The following NDST3 variants were observed in gnomAD, a reference collection of about 807,000 sequenced individuals.
NDST3 encodes the protein N-deacetylase and N-sulfotransferase 3.
In NDST3, 58 loss-of-function variants were observed where a neutral mutation model predicts 96.1. The ratio of observed to expected loss-of-function variants is 0.60; its 90% CI spans 0.49 to 0.75. The LOEUF (loss-of-function observed/expected upper bound fraction) is 0.75, where lower values mean the gene tolerates loss of function less well. Ranked by LOEUF, NDST3 falls within the 30% of genes least tolerant of loss-of-function variation. NDST3 has a pLI of 0.00. For missense variants in NDST3, 788 were observed against 1,034.2 expected, an observed-to-expected ratio of 0.76 and a Z score of 3.27; for synonymous variants, 333 against 359.7, an observed-to-expected ratio of 0.93 and a Z score of 0.84.
chr4:118,146,517 C>T (rs1453357864), intron 6 of NDST3, among the ~76,000 whole-genome samples: 1 of 152,076 alleles, frequency 6.6e-6, no homozygotes, highest in Non-Finnish European at 1.5e-5. Context: ...CAATAAGGTG[C>T]CCCTCAGAGT....
intron 6 of NDST3, among the ~76,000 whole-genome samples, chr4:118,176,963 T>A (rs1458805235): frequency 6.6e-6 from 1 of 151,932 alleles, no homozygotes; most frequent in Non-Finnish European, 1.5e-5. Flanking sequence ...TAGATTTAAA[T>A]GAAAATTGAA....
At chr4:118,099,069 A>G (rs987709568) in intron 2 of NDST3, among the ~76,000 whole-genome samples, 2 of 152,082 alleles carry the variant, frequency 1.3e-5, no homozygotes, top group Admixed American at 1.3e-4. Flanking sequence ...TTAAGACCAT[A>G]TATCCATTTC....
intron 6 of NDST3, among the ~76,000 whole-genome samples, chr4:118,185,251 A>T (rs1321166269): frequency 6.6e-6 from 1 of 152,058 alleles, no homozygotes; most frequent in African/African-American, 2.4e-5. Flanking sequence ...ATTTTACTTC[A>T]TGCTGTGTGT....
chr4:118,244,318 G>A, intron 12 of NDST3, among the ~76,000 whole-genome samples: 1 of 152,222 alleles, frequency 6.6e-6, no homozygotes, highest in South Asian at 2.1e-4. Context: ...TATACTGATA[G>A]CTGTTTCTGT....
At chr4:118,161,390 C>T (rs1287740197) in intron 6 of NDST3, among the ~76,000 whole-genome samples, 4 of 152,336 alleles carry the variant, frequency 2.6e-5, no homozygotes, top group African/African-American at 9.6e-5. Context: ...AGAACCACTG[C>T]TCTCTTCAAA....
intron 3 of NDST3, among the ~76,000 whole-genome samples, chr4:118,106,845 C>A (rs1488631580): frequency 1.3e-5 from 2 of 152,090 alleles, no homozygotes; most frequent in African/African-American, 4.8e-5. Context: ...AATCCCAGCA[C>A]TTTGGGAGGC....
intron 2 of NDST3, among the ~76,000 whole-genome samples, chr4:118,096,026 A>G (rs190926200): frequency 2.6e-4 from 40 of 152,054 alleles, no homozygotes; most frequent in Admixed American, 6.6e-4. Flanking sequence ...TAGTACAACC[A>G]TGAACATGTA....
intron 1 of NDST3, among the ~76,000 whole-genome samples, chr4:118,047,724 C>T (rs766265236): frequency 3.3e-5 from 5 of 152,064 alleles, no homozygotes; most frequent in Non-Finnish European, 7.4e-5. Context: ...TAGAAATGAA[C>T]AAAACCTCTG....
chr4:118,169,364 T>C (rs746065461), intron 6 of NDST3, among the ~76,000 whole-genome samples: 4 of 152,170 alleles, frequency 2.6e-5, no homozygotes, highest in African/African-American at 7.2e-5. Context: ...TAAGCTTTCA[T>C]TGGATCTGGA....
Position 118,054,543 on chromosome 4 carries a change from A to G in NDST3, c.633A>G (p.Glu211=). The change falls in exon 2 of 14, where the codon GAA becomes GAG. Residue 211 remains glutamate, a synonymous_variant. Coordinates refer to ENST00000296499, the MANE Select transcript of NDST3 (RefSeq NM_004784.3). ...GTGTGACCAAATCTTCCAAGCTTGAAAAAGGTTCTTTACCTGGAACTGACT... is the reference window on the plus strand; with the variant it reads ...GTGTGACCAAATCTTCCAAGCTTGAGAAAGGTTCTTTACCTGGAACTGACT... ...LIRVTKSSKL[E]KGSLPGTDWT... is the part of the protein sequence containing the mutation. The G allele has an allele frequency of 6.2e-7, 1 of 1,613,350 alleles. No homozygotes were observed. The highest frequency in any genetic ancestry group is 1.7e-5 in the Admixed American group (1 of 59,920).
At chr4:118,242,772 T>C (rs1741087286) in intron 12 of NDST3, among the ~76,000 whole-genome samples, 2 of 152,106 alleles carry the variant, frequency 1.3e-5, no homozygotes, top group Non-Finnish European at 2.9e-5. Flanking sequence ...TTTCCTCCGA[T>C]TTTCTTAGGT....
At chr4:118,246,484 T>TA (rs1288689547) in intron 12 of NDST3, among the ~76,000 whole-genome samples, 2 of 152,244 alleles carry the variant, frequency 1.3e-5, no homozygotes, top group African/African-American at 4.8e-5. Flanking sequence ...CAGGCACCTG[T>TA]AGTCCCAGCT....
At chr4:118,147,331 T>C (rs540886559) in intron 6 of NDST3, among the ~76,000 whole-genome samples, 1 of 152,136 alleles carries the variant, frequency 6.6e-6, no homozygotes, top group Non-Finnish European at 1.5e-5. Flanking sequence ...TGATATACCA[T>C]GGGAGAGAGC....
chr4:118,222,394 T>C (rs554356978), intron 6 of NDST3, among the ~76,000 whole-genome samples: 2 of 151,958 alleles, frequency 1.3e-5, no homozygotes, highest in Non-Finnish European at 2.9e-5. Flanking sequence ...AATATTGTGA[T>C]TCATGAAAAA....
chr4:118,077,287 A>C (rs1045503989), intron 2 of NDST3, among the ~76,000 whole-genome samples: 1 of 152,192 alleles, frequency 6.6e-6, no homozygotes, highest in Non-Finnish European at 1.5e-5. Context: ...GCATTGGTGC[A>C]TTGGGGTGCA....
chr4:118,252,848 G>T (rs1362981386), intron 12 of NDST3, among the ~76,000 whole-genome samples: 1 of 152,058 alleles, frequency 6.6e-6, no homozygotes, highest in African/African-American at 2.4e-5. Context: ...CCGAGATTGC[G>T]CCATTGCACT....
intron 6 of NDST3, among the ~76,000 whole-genome samples, chr4:118,163,079 G>A (rs1306719853): frequency 8.6e-4 from 131 of 152,288 alleles, no homozygotes; most frequent in Non-Finnish European, 1.6e-3. Context: ...TAGAATGGCA[G>A]TCATTCAAAA....
At chr4:118,145,442 C>A (rs1027475536) in intron 6 of NDST3, among the ~76,000 whole-genome samples, 1 of 152,136 alleles carries the variant, frequency 6.6e-6, no homozygotes, top group Non-Finnish European at 1.5e-5. Context: ...AAATGAGTTT[C>A]ATTTAGTGTG....
At chr4:118,158,919 A>C (rs1734895935) in intron 6 of NDST3, among the ~76,000 whole-genome samples, 2 of 152,196 alleles carry the variant, frequency 1.3e-5, no homozygotes, top group South Asian at 4.1e-4. Flanking sequence ...AAAATCCAGA[A>C]ACAAATTAAG....
Sources: allele counts gnomAD v4.1 joint callset (sites outside exome capture counted in the v4.1 genomes callset), GRCh38; gene constraint gnomAD v4.1.1; transcripts MANE v1.5; gene names NCBI Gene and HGNC (gene_info 2026-07-23, HGNC 2026-07-21).